Variants in SRGAP3 observed in about 807,000 individuals in gnomAD.
SRGAP3 encodes SLIT-ROBO Rho GTPase activating protein 3.
In SRGAP3, 39 loss-of-function variants were observed where a neutral mutation model predicts 121.1. That is an observed-to-expected ratio of 0.32 (90% CI 0.25 to 0.42). SRGAP3 has a LOEUF of 0.42. Ranked by LOEUF, SRGAP3 falls within the 10% of genes least tolerant of loss-of-function variation. SRGAP3 has a pLI of 1.00. For missense variants in SRGAP3, 1,213 were observed against 1,470.6 expected, an observed-to-expected ratio of 0.82 and a Z score of 2.86; for synonymous variants, 601 against 570.0, an observed-to-expected ratio of 1.05 and a Z score of -0.77.
chr3:9,185,480 G>T (rs1951567719), intron 1 of SRGAP3, among the ~76,000 whole-genome samples: 1 of 152,118 alleles, frequency 6.6e-6, no homozygotes, highest in Non-Finnish European at 1.5e-5. Flanking sequence ...GTTGGGGTGG[G>T]GGGGCACTGC....
At chr3:9,047,930 G>C (rs1161729072) in intron 9 of SRGAP3, among the ~76,000 whole-genome samples, 1 of 151,878 alleles carries the variant, frequency 6.6e-6, no homozygotes, top group East Asian at 1.9e-4. Context: ...CTCGGAACGA[G>C]TCTTCCTTTC....
rs1202349481 is a variant in SRGAP3 at position 9,249,515 on chromosome 3, G to A, written c.-564C>T. 8.2e-6 allele frequency: 2 copies of A among 242,942 alleles called. No homozygotes were observed. Among genetic ancestry groups the A allele is most frequent in the Non-Finnish European group, 1.6e-5 (2 of 123,218 alleles). 15.0% of individuals were successfully genotyped at this position (242,942 alleles called of 1,614,324 possible). ...CTAAGTCGATGGTCAGGTTGCCAAA[G>A]GGCCGGTCATCTCGCATCCTCCCTC... On this transcript the variant is annotated 5_prime_UTR_variant, in exon 1 of 22. Coordinates refer to ENST00000383836, the MANE Select transcript of SRGAP3 (RefSeq NM_014850.4).
chr3:9,057,486 A>G (rs1308542130), intron 7 of SRGAP3, among the ~76,000 whole-genome samples: 1 of 152,218 alleles, frequency 6.6e-6, no homozygotes, highest in East Asian at 1.9e-4. Flanking sequence ...TGCAGAAGTA[A>G]GTGGGCAGAG....
In SRGAP3 at chr3:9,051,401, A is replaced by C. The variant is rs558996637; in HGVS notation, c.1323+1626T>G. Among the ~76,000 whole-genome samples the C allele has an allele frequency of 1.8e-3, 273 of 152,286 alleles. 3 individuals carry two copies. Among genetic ancestry groups the C allele is most frequent in the Admixed American group, 3.6e-3 (55 of 15,300 alleles). The stretch of plus-strand genomic sequence containing the variant: ...TGATTAAAGTTTGGAAGCCATGCTT[A>C]CTGAATCTGCAGGTGACACAGGTTT... On this transcript the variant is annotated intron_variant, in intron 9 of 21. Coordinates refer to ENST00000383836, the MANE Select transcript of SRGAP3 (RefSeq NM_014850.4).
At chr3:8,991,722 G>A (rs1188387260) in intron 20 of SRGAP3, among the ~76,000 whole-genome samples, 1 of 152,172 alleles carries the variant, frequency 6.6e-6, no homozygotes, top group Non-Finnish European at 1.5e-5. Context: ...AGTCTGAAGG[G>A]CTAGAAGTGG....
At chr3:9,351,404 T>C (rs967739463) in intron 1 of SRGAP3, among the ~76,000 whole-genome samples, 2 of 152,172 alleles carry the variant, frequency 1.3e-5, no homozygotes, top group Non-Finnish European at 2.9e-5. Flanking sequence ...TAAATATCCT[T>C]TTGCAAGTTG....
intron 3 of SRGAP3, among the ~76,000 whole-genome samples, chr3:9,264,509 C>G (rs1280106886): frequency 1.3e-5 from 2 of 152,186 alleles, no homozygotes; most frequent in African/African-American, 4.8e-5. Context: ...AGCTGATAAG[C>G]AACTTCAGCA....
intron 4 of SRGAP3, among the ~76,000 whole-genome samples, chr3:9,078,947 T>A (rs550362372): frequency 3.9e-4 from 60 of 152,312 alleles, no homozygotes; most frequent in Non-Finnish European, 7.4e-4. Flanking sequence ...TAGAGTTCCG[T>A]AGCTTGTTGG....
chr3:9,103,149 C>T (rs368760656), intron 3 of SRGAP3, among the ~76,000 whole-genome samples: 2 of 152,248 alleles, frequency 1.3e-5, no homozygotes, highest in African/African-American at 4.8e-5. Flanking sequence ...AATTAGCCTG[C>T]GATTACACTT....
At chr3:9,255,548 G>C (rs776494831) in intron 3 of SRGAP3, among the ~76,000 whole-genome samples, 1 of 152,190 alleles carries the variant, frequency 6.6e-6, no homozygotes, top group Non-Finnish European at 1.5e-5. Context: ...GCTGGCCCCT[G>C]CTGGGGCCCC....
chr3:9,355,058 T>C (rs2030421074), intron 1 of SRGAP3, among the ~76,000 whole-genome samples: 1 of 152,212 alleles, frequency 6.6e-6, no homozygotes, highest in Non-Finnish European at 1.5e-5. Context: ...TTGTACTTAC[T>C]TTGTGACAGT....
At chr3:9,236,679 A>C (rs1325841991) in intron 1 of SRGAP3, among the ~76,000 whole-genome samples, 2 of 151,920 alleles carry the variant, frequency 1.3e-5, no homozygotes, top group African/African-American at 2.4e-5. Flanking sequence ...CCCAGAACCC[A>C]AGTAGATGTC....
At position 9,216,411 on chromosome 3, in the gene SRGAP3, G is replaced by A. The variant is rs534799503; in HGVS notation, c.67+32474C>T. On this transcript the variant is annotated intron_variant, in intron 1 of 21. Coordinates refer to ENST00000383836, the MANE Select transcript of SRGAP3 (RefSeq NM_014850.4). ...GGGACAGTCCCCACAGTGAAGAACT[G>A]CCCCACCCAAAACACCCTGTGGAGC... Among the ~76,000 whole-genome samples, 17 of 152,262 alleles carry A rather than the reference G, an allele frequency of 1.1e-4. No homozygotes were observed. The East Asian group carries it at 3.3e-3, about 29-fold the overall frequency.
chr3:9,129,876 T>C (rs1365284034), intron 1 of SRGAP3, among the ~76,000 whole-genome samples: 1 of 151,936 alleles, frequency 6.6e-6, no homozygotes, highest in East Asian at 1.9e-4. Flanking sequence ...ATTGTCCTTC[T>C]TCAGCCTCCC....
At position 9,092,638 on chromosome 3, in the gene SRGAP3, C is replaced by T. The variant is rs550611951; in HGVS notation, c.423+12042G>A. ...ACTGGGAAAGTTAGCTCTCTAAGCA[C>T]CTTTAAGGTCTTCTTTCCCTAAACA... On this transcript the variant is annotated intron_variant, in intron 3 of 21. Coordinates refer to ENST00000383836, the MANE Select transcript of SRGAP3 (RefSeq NM_014850.4). Among the ~76,000 whole-genome samples the T allele has an allele frequency of 1.8e-4, 27 of 152,276 alleles. No individual in the cohort carries two copies. The East Asian group carries it at 4.8e-3, about 27-fold the overall frequency.
intron 1 of SRGAP3, among the ~76,000 whole-genome samples, chr3:9,237,428 T>A (rs745953105): frequency 2.6e-5 from 4 of 152,198 alleles, no homozygotes; most frequent in Non-Finnish European, 5.9e-5. Flanking sequence ...TGAGTTTCAG[T>A]CCTGGTGAAG....
chr3:9,249,585 G>A lies in SRGAP3; in HGVS notation c.-634C>T, dbSNP rs1953949157. The A allele has an allele frequency of 4.2e-6, 1 of 236,830 alleles. No homozygotes were observed. The highest frequency in any genetic ancestry group is 1.7e-4 in the South Asian group (1 of 5,752). The allele number at this position is 236,830 out of a possible 1,614,324, so 14.7% of individuals were successfully genotyped here. ...GATGTCCAGTGAGGATCAAAGCCAG[G>A]AGAGCGAGATGGAAGTTTTCCTGCT... On this transcript the variant is annotated 5_prime_UTR_variant, in exon 1 of 22. Transcript: ENST00000383836.
intron 1 of SRGAP3, among the ~76,000 whole-genome samples, chr3:9,360,494 T>A (rs1290817568): frequency 6.6e-6 from 1 of 152,216 alleles, no homozygotes; most frequent in East Asian, 1.9e-4. Context: ...GGCTAAATTG[T>A]TTTCCAATGG....
chr3:9,297,879 G>C (rs867221042), intron 3 of SRGAP3, among the ~76,000 whole-genome samples: 6 of 151,224 alleles, frequency 4.0e-5, no homozygotes, highest in Admixed American at 6.6e-5. Flanking sequence ...CTGGGCAACA[G>C]AGTGAGACTC....
Sources: gnomAD v4.1 joint callset for allele counts (sites outside exome capture counted in the v4.1 genomes callset) on GRCh38, gnomAD v4.1.1 for gene constraint, MANE v1.5 for transcripts, NCBI Gene and HGNC (gene_info 2026-07-23, HGNC 2026-07-21) for gene names.